Variants in NBEA observed in about 807,000 individuals in gnomAD.
The protein encoded by NBEA is neurobeachin.
Under a neutral mutation model 343.4 loss-of-function variants are expected in NBEA, and 44 were observed. The observed-to-expected ratio is 0.13, with a 90% CI of 0.10 to 0.16. The LOEUF is 0.16. Among genes scored for constraint, NBEA ranks in the 10% least tolerant of loss-of-function variants. The pLI is 1.00. For missense variants in NBEA, 2,555 were observed against 3,631.3 expected (o/e 0.70, Z 7.62); for synonymous variants, 1,175 against 1,238.7 (o/e 0.95, Z 1.08).
intron 17 of NBEA, among the ~76,000 whole-genome samples, chr13:35,135,661 G>C (rs902191482): frequency 4.6e-5 from 7 of 151,938 alleles, no homozygotes; most frequent in South Asian, 2.1e-4. Flanking sequence ...TGAAGAATAA[G>C]AATAATGAGT....
At chr13:35,168,640 A>G (rs181258143) in intron 24 of NBEA, among the ~76,000 whole-genome samples, 146 of 151,534 alleles carry the variant, frequency 9.6e-4, no homozygotes, top group East Asian at 7.7e-4. Flanking sequence ...GCATTATGTT[A>G]GCTTATTTAT....
intron 10 of NBEA, among the ~76,000 whole-genome samples, chr13:35,095,114 A>G (rs1486071865): frequency 1.3e-5 from 2 of 151,732 alleles, no homozygotes; most frequent in Non-Finnish European, 3.0e-5. Context: ...ACTCTTAATC[A>G]TTTTAGTTAT....
intron 38 of NBEA, among the ~76,000 whole-genome samples, chr13:35,376,045 T>TTTA (rs1297567996): frequency 1.3e-5 from 2 of 152,034 alleles, no homozygotes; most frequent in Admixed American, 6.6e-5. Flanking sequence ...ATTTTATATA[T>TTTA]TTATTATTAT....
intron 41 of NBEA, among the ~76,000 whole-genome samples, chr13:35,546,290 C>T (rs2079054158): frequency 6.6e-6 from 1 of 152,108 alleles, no homozygotes; most frequent in African/African-American, 2.4e-5. Context: ...TGTGGCAAAA[C>T]CCTGTCTCTA....
At chr13:34,959,934 T>G (rs2059607738) in intron 1 of NBEA, among the ~76,000 whole-genome samples, 1 of 152,180 alleles carries the variant, frequency 6.6e-6, no homozygotes, top group Non-Finnish European at 1.5e-5. Flanking sequence ...GCAGCTATGT[T>G]ACTGGTTTAT....
At chr13:34,992,728 A>C (rs1344400662) in intron 1 of NBEA, among the ~76,000 whole-genome samples, 2 of 151,822 alleles carry the variant, frequency 1.3e-5, no homozygotes, top group Admixed American at 1.3e-4. Context: ...GCTGGAGTGC[A>C]GTGGCATGAT....
chr13:35,400,838 T>A (rs1272316587), intron 38 of NBEA, among the ~76,000 whole-genome samples: 2 of 151,814 alleles, frequency 1.3e-5, no homozygotes, highest in Non-Finnish European at 2.9e-5. Flanking sequence ...AAGGAGAAAA[T>A]CACTGATAAA....
At chr13:34,951,492 A>G (rs938412377) in intron 1 of NBEA, among the ~76,000 whole-genome samples, 1 of 152,188 alleles carries the variant, frequency 6.6e-6, no homozygotes, top group East Asian at 1.9e-4. Context: ...GTAATGACCT[A>G]ACTGAAAGTG....
chr13:35,496,299 A>G (rs1361484313), intron 41 of NBEA, among the ~76,000 whole-genome samples: 2 of 151,874 alleles, frequency 1.3e-5, no homozygotes, highest in Non-Finnish European at 2.9e-5. Flanking sequence ...CTACTTTCAT[A>G]TATTGTGTTC....
chr13:34,973,210 C>T (rs2060055215), intron 1 of NBEA, among the ~76,000 whole-genome samples: 1 of 151,992 alleles, frequency 6.6e-6, no homozygotes, highest in African/African-American at 2.4e-5. Flanking sequence ...TTGTTCCTGG[C>T]CCAAACATAC....
At chr13:35,424,869 T>G (rs886386517) in intron 38 of NBEA, among the ~76,000 whole-genome samples, 2 of 152,204 alleles carry the variant, frequency 1.3e-5, no homozygotes, top group Admixed American at 6.5e-5. Context: ...TCTTCCTGTT[T>G]TAGTCTTGGG....
intron 41 of NBEA, among the ~76,000 whole-genome samples, chr13:35,541,902 A>C (rs2078845139): frequency 6.6e-6 from 1 of 152,140 alleles, no homozygotes; most frequent in Non-Finnish European, 1.5e-5. Context: ...ATTCAATCGC[A>C]CAATGACCCC....
intron 1 of NBEA, among the ~76,000 whole-genome samples, chr13:34,960,058 G>T (rs575614582): frequency 2.6e-5 from 4 of 152,182 alleles, no homozygotes; most frequent in African/African-American, 7.2e-5. Flanking sequence ...CCAGAAGAAG[G>T]CATTGTTATG....
chr13:34,977,944 T>G (rs2060234244), intron 1 of NBEA, among the ~76,000 whole-genome samples: 1 of 152,140 alleles, frequency 6.6e-6, no homozygotes, highest in Non-Finnish European at 1.5e-5. Flanking sequence ...GCCTCCTGAA[T>G]AGCTCCCATT....
At chr13:35,024,785 TC>T (rs1240923610) in intron 1 of NBEA, among the ~76,000 whole-genome samples, 1 of 152,224 alleles carries the variant, frequency 6.6e-6, no homozygotes, top group Non-Finnish European at 1.5e-5. Context: ...CTAATTTACA[TC>T]CCACCAGCAG....
chr13:35,099,914 A>G (rs2065553304), intron 11 of NBEA, among the ~76,000 whole-genome samples: 1 of 152,072 alleles, frequency 6.6e-6, no homozygotes, highest in Non-Finnish European at 1.5e-5. Flanking sequence ...TATAACAAAT[A>G]CCTATGTCTT....
chr13:35,472,627 G>GAAT, intron 41 of NBEA, 91 bp downstream of exon 41: 3 of 1,301,310 alleles, frequency 2.3e-6, no homozygotes, highest in Non-Finnish European at 2.2e-6. Flanking sequence ...CAGTGGAGGA[G>GAAT]GGGAGCACAT....
chr13:35,075,561 G>T (rs529076695), intron 10 of NBEA, among the ~76,000 whole-genome samples: 2 of 152,160 alleles, frequency 1.3e-5, no homozygotes, highest in Admixed American at 1.3e-4. Context: ...AGTGTTTAGA[G>T]AATCCCATAA....
intron 41 of NBEA, among the ~76,000 whole-genome samples, chr13:35,493,655 G>A (rs181128629): frequency 6.6e-6 from 1 of 151,944 alleles, no homozygotes; most frequent in South Asian, 2.1e-4. Flanking sequence ...GAACCAGAAA[G>A]CTTGGGTTTT....
Sources: allele counts gnomAD v4.1 joint callset (sites outside exome capture counted in the v4.1 genomes callset), GRCh38; gene constraint gnomAD v4.1.1; transcripts MANE v1.5; gene names NCBI Gene and HGNC (gene_info 2026-07-23, HGNC 2026-07-21).